Variants in NEK11 observed in about 807,000 individuals in gnomAD.
NEK11 encodes NIMA related kinase 11.
NEK11 carries 72 observed loss-of-function variants against 80.7 expected under a neutral mutation model. The observed-to-expected ratio is 0.89, with a 90% confidence interval of 0.74 to 1.08. The LOEUF is 1.08. NEK11 is among the 50% of genes least tolerant of loss of function. The probability of loss-of-function intolerance (pLI) is 0.00; values close to 1 mark genes in which losing one functional copy is unlikely to be tolerated. For missense variants in NEK11, 764 were observed against 763.6 expected, an observed-to-expected ratio of 1.00 and a Z score of -0.01; for synonymous variants, 251 against 260.7, an observed-to-expected ratio of 0.96 and a Z score of 0.36.
chr3:131,335,104 C>T (rs371701084), intron 17 of NEK11, among the ~76,000 whole-genome samples: 4,206 of 152,274 alleles, frequency 0.028, 89 homozygotes, highest in Middle Eastern at 0.065. Context: ...AGGGAATCCT[C>T]CCTAACTCAT....
At chr3:131,152,741 G>A (rs1579176408) in intron 9 of NEK11, 32 bp downstream of exon 9, 4 of 1,439,554 alleles carry the variant, frequency 2.8e-6, no homozygotes. Context: ...CTGGGAAACA[G>A]GTATGAGCAT....
chr3:131,228,562 C>G lies in NEK11; in HGVS notation c.1434C>G (p.Tyr478Ter). 2 of 1,612,874 alleles carry G rather than the reference C, an allele frequency of 1.2e-6. No individual in the cohort carries two copies. The highest frequency in any genetic ancestry group is 1.7e-6 in the Non-Finnish European group (2 of 1,179,232). Residue 478 changes from tyrosine to a stop codon, truncating the protein, a stop_gained, in exon 15 of 18, where the codon TAC becomes TAG. Coordinates refer to ENST00000383366, the MANE Select transcript of NEK11 (RefSeq NM_024800.5). LOFTEE classifies it high-confidence loss of function. Reference sequence around the variant, plus strand: ...AAGACCCACTTGTGGCTGAAGAGTACTACGCTGATGCATTTGATTCCTATT... The same window carrying G: ...AAGACCCACTTGTGGCTGAAGAGTAGTACGCTGATGCATTTGATTCCTATT... ...IPEDPLVAEE[Y>*]YADAFDSYCE...
chr3:131,197,382 A>C (rs776166514), intron 14 of NEK11, among the ~76,000 whole-genome samples: 1 of 152,136 alleles, frequency 6.6e-6, no homozygotes, highest in African/African-American at 2.4e-5. Context: ...TCTGCGGTAG[A>C]TCTTAGTCAT....
intron 17 of NEK11, among the ~76,000 whole-genome samples, chr3:131,277,908 T>C (rs2096325282): frequency 1.3e-5 from 2 of 152,250 alleles, no homozygotes; most frequent in African/African-American, 4.8e-5. Context: ...AAGAATAGTT[T>C]ATGGCACATA....
At position 131,273,460 on chromosome 3, in the gene NEK11, C is replaced by T. The variant is rs547796834; in HGVS notation, c.1622-18C>T. Reference sequence around the variant, plus strand: ...GGATTGCTGATGAAGTCAATAAGGGCTGTGCATTGATTTTCAGACACAAAG... The same window carrying T: ...GGATTGCTGATGAAGTCAATAAGGGTTGTGCATTGATTTTCAGACACAAAG... On this transcript the variant is annotated intron_variant, in intron 16 of 17. Transcript: ENST00000383366. 2 of 1,596,164 alleles carry T rather than the reference C, an allele frequency of 1.3e-6. No individual in the cohort carries two copies. The highest frequency in any genetic ancestry group is 4.5e-5 in the East Asian group (2 of 44,788).
intron 14 of NEK11, among the ~76,000 whole-genome samples, chr3:131,196,163 TC>T (rs2094001580): frequency 6.6e-6 from 1 of 152,086 alleles, no homozygotes; most frequent in Admixed American, 6.6e-5. Flanking sequence ...CTTAAGATTT[TC>T]CAGAGATATG....
intron 4 of NEK11, among the ~76,000 whole-genome samples, chr3:131,089,357 T>G (rs1049150775): frequency 6.6e-6 from 1 of 152,182 alleles, no homozygotes; most frequent in Non-Finnish European, 1.5e-5. Flanking sequence ...AGGATGCTTA[T>G]TTAATGGAGA....
At chr3:131,345,015 C>T (rs2097340721) in intron 17 of NEK11, among the ~76,000 whole-genome samples, 1 of 152,136 alleles carries the variant, frequency 6.6e-6, no homozygotes, top group South Asian at 2.1e-4. Context: ...GTGATGTCTC[C>T]ACTTTTATTT....
chr3:131,058,070 G>A (rs1197208611), intron 3 of NEK11, among the ~76,000 whole-genome samples: 5 of 151,630 alleles, frequency 3.3e-5, no homozygotes, highest in Admixed American at 1.3e-4. Flanking sequence ...TTTGTATAAG[G>A]TGTAAGGAAG....
intron 4 of NEK11, among the ~76,000 whole-genome samples, chr3:131,086,772 C>T (rs1034650932): frequency 6.6e-6 from 1 of 152,068 alleles, no homozygotes; most frequent in Non-Finnish European, 1.5e-5. Flanking sequence ...TGTCTTTATC[C>T]ATCTCTATTT....
At chr3:131,131,915 G>A (rs1386904666) in intron 5 of NEK11, among the ~76,000 whole-genome samples, 1 of 151,730 alleles carries the variant, frequency 6.6e-6, no homozygotes, top group Non-Finnish European at 1.5e-5. Flanking sequence ...TTTTCATTTA[G>A]TTCAAAATAT....
chr3:131,225,935 G>T (rs1291645287), intron 14 of NEK11, among the ~76,000 whole-genome samples: 1 of 152,188 alleles, frequency 6.6e-6, no homozygotes, highest in African/African-American at 2.4e-5. Context: ...CAATGTAAAT[G>T]ATATTTCTTA....
chr3:131,311,076 T>C (rs2096777562), intron 17 of NEK11, among the ~76,000 whole-genome samples: 1 of 152,218 alleles, frequency 6.6e-6, no homozygotes, highest in Non-Finnish European at 1.5e-5. Context: ...TACAGAATTA[T>C]ATCAGCTTTA....
chr3:131,076,319 A>C (rs1295265687), intron 3 of NEK11, among the ~76,000 whole-genome samples: 1 of 152,236 alleles, frequency 6.6e-6, no homozygotes, highest in Non-Finnish European at 1.5e-5. Flanking sequence ...TACATGTAGC[A>C]AAAAGATTGT....
At position 131,283,460 on chromosome 3, in the gene NEK11, G is replaced by A. The variant is rs142468161; in HGVS notation, c.1718+9886G>A. On this transcript the variant is annotated intron_variant, in intron 17 of 17. Transcript: ENST00000383366. ...CCCTTTCACATGCTTTTCTGAATTG[G>A]CAGGTATTGGTATTTGTATTTTGAC... Among the ~76,000 whole-genome samples the A allele has an allele frequency of 2.7e-4, 41 of 152,074 alleles. 1 individual carries two copies. The highest frequency in any genetic ancestry group is 9.6e-4 in the African/African-American group (40 of 41,504).
intron 7 of NEK11, among the ~76,000 whole-genome samples, chr3:131,144,178 T>C (rs1515908): frequency 0.49 from 74,500 of 151,968 alleles, 19,068 homozygotes; most frequent in Middle Eastern, 0.67. Context: ...AGTTGTTCAA[T>C]TTGGACAGAT....
intron 17 of NEK11, among the ~76,000 whole-genome samples, chr3:131,342,200 T>C (rs2097297285): frequency 6.6e-6 from 1 of 152,216 alleles, no homozygotes; most frequent in Non-Finnish European, 1.5e-5. Context: ...AGAGCTGTTC[T>C]GTCTTTGCCC....
At chr3:131,168,337 CT>C (rs60918535) in intron 12 of NEK11, among the ~76,000 whole-genome samples, 6,866 of 146,998 alleles carry the variant, frequency 0.047, 266 homozygotes, top group African/African-American at 0.1. Flanking sequence ...TGTTGCATTT[CT>C]TTTTTTTTTT....
intron 17 of NEK11, among the ~76,000 whole-genome samples, chr3:131,341,833 C>G (rs1561640261): frequency 1.3e-5 from 2 of 151,930 alleles, no homozygotes; most frequent in South Asian, 4.2e-4. Context: ...TATTATTTGC[C>G]TGGTAGCTTT....
Sources: gnomAD v4.1 joint callset for allele counts (sites outside exome capture counted in the v4.1 genomes callset) on GRCh38, gnomAD v4.1.1 for gene constraint, MANE v1.5 for transcripts, NCBI Gene and HGNC (gene_info 2026-07-23, HGNC 2026-07-21) for gene names.